Variants in CXADR observed in about 807,000 individuals in gnomAD.
The protein encoded by CXADR is CXADR cell adhesion molecule, also known as coxsackievirus and adenovirus receptor.
A neutral mutation model predicts 40.3 loss-of-function variants in CXADR; 20 were observed. The observed-to-expected ratio is 0.50, with a 90% CI of 0.35 to 0.72. The LOEUF is 0.72. CXADR is among the 30% of genes least tolerant of loss of function. CXADR has a pLI of 0.01. For missense variants in CXADR, 332 were observed against 449.1 expected, an observed-to-expected ratio of 0.74 and a Z score of 2.36; for synonymous variants, 150 against 161.3, an observed-to-expected ratio of 0.93 and a Z score of 0.53.
chr21:17,513,104 C>A lies in CXADR; in HGVS notation c.-26C>A. On this transcript the variant is annotated 5_prime_UTR_variant, in exon 1 of 7. Transcript: ENST00000284878. ...AGGAGCGAGAGCCGCCTACCTGCAG[C>A]CGCCGCCCACGGCACGGCAGCCACC... The A allele has an allele frequency of 7.4e-7, 1 of 1,345,584 alleles. No individual in the cohort carries two copies. Among genetic ancestry groups the A allele is most frequent in the Non-Finnish European group, 9.6e-7 (1 of 1,045,926 alleles). 83.4% of individuals were successfully genotyped at this position (1,345,584 alleles called of 1,614,324 possible).
At position 17,547,029 on chromosome 21, in the gene CXADR, T is replaced by G; in HGVS notation, c.46T>G (p.Phe16Val). 2 of 1,612,396 alleles carry G rather than the reference T, an allele frequency of 1.2e-6. No individual in the cohort carries two copies. The highest frequency in any genetic ancestry group is 1.7e-6 in the Non-Finnish European group (2 of 1,179,860). The change falls in exon 2 of 7, where the codon TTC becomes GTC. Residue 16 changes from phenylalanine (F) to valine (V), a missense_variant and splice_region_variant. Around this residue, in one of 3 missense-constraint regions of CXADR, gnomAD observed 162 missense variants for 198.5 expected, o/e 0.82. Transcript: ENST00000284878. ...CFVLLCGVVD[F>V]ARSLSITTPE... ...CCCTTGTACATTTCTTTCTCTAGAT[T>G]TCGCCAGAAGTTTGAGTATCACTAC...
intron 1 of CXADR, among the ~76,000 whole-genome samples, chr21:17,527,856 G>T (rs2060616823): frequency 6.6e-6 from 1 of 151,338 alleles, no homozygotes; most frequent in South Asian, 2.1e-4. Context: ...CTGTCGCCCA[G>T]GCTGGAATGC....
intron 7 of CXADR, among the ~76,000 whole-genome samples, chr21:17,581,065 A>G (rs1055273616): frequency 1.3e-5 from 2 of 152,196 alleles, no homozygotes; most frequent in Non-Finnish European, 2.9e-5. Context: ...ACTTGTTTTT[A>G]ATTTAACAAT....
At chr21:17,585,113 G>A (rs1165409058) in intron 7 of CXADR, among the ~76,000 whole-genome samples, 1 of 151,944 alleles carries the variant, frequency 6.6e-6, no homozygotes, top group Non-Finnish European at 1.5e-5. Context: ...TATTTTTTAT[G>A]TGTGAATTCA....
chr21:17,613,131 G>A, the CXADR span: 2 of 152,158 alleles, frequency 1.3e-5, no homozygotes, highest in African/African-American at 4.8e-5. Flanking sequence ...GCGACGGCGC[G>A]GTCCGCAGAA....
At chr21:17,533,210 T>C (rs1035151021) in intron 1 of CXADR, among the ~76,000 whole-genome samples, 2 of 152,192 alleles carry the variant, frequency 1.3e-5, no homozygotes, top group African/African-American at 2.4e-5. Context: ...TTTTGTGTAA[T>C]AAATTTGGCA....
the CXADR span, among the ~76,000 whole-genome samples, chr21:17,630,832 TC>T: frequency 9.4e-3 from 1,432 of 152,186 alleles, 12 homozygotes; most frequent in Middle Eastern, 0.02. Context: ...CAGCTTTAAG[TC>T]AAAGGTAATT....
intron 1 of CXADR, 74 bp downstream of exon 1, chr21:17,513,246 A>T: frequency 7.7e-7 from 1 of 1,301,580 alleles, no homozygotes; most frequent in Non-Finnish European, 9.9e-7. Flanking sequence ...ACCCAGGAAC[A>T]ATGGGGCGTG....
At chr21:17,603,597 T>C in the CXADR span, among the ~76,000 whole-genome samples, 1 of 152,156 alleles carries the variant, frequency 6.6e-6, no homozygotes, top group African/African-American at 2.4e-5. Flanking sequence ...AAAAGCAACT[T>C]TACTACAATC....
chr21:17,567,277 A>G lies in CXADR; in HGVS notation c.*1585A>G. The stretch of plus-strand genomic sequence containing the variant: ...TTTACAGTTAGAGTATTGTGTGTAC[A>G]CTTTTTAATGGTAAACTTAAGCTGA... On this transcript the variant is annotated 3_prime_UTR_variant, in exon 7 of 7. Transcript: ENST00000284878. The G allele has an allele frequency of 3.0e-6, 3 of 985,418 alleles. No homozygotes were observed. The highest frequency in any genetic ancestry group is 3.6e-6 in the Non-Finnish European group (3 of 829,914). The allele number at this position is 985,418 out of a possible 1,614,324, so 61.0% of individuals were successfully genotyped here.
At chr21:17,534,789 CTT>C (rs11427595) in intron 1 of CXADR, among the ~76,000 whole-genome samples, 9 of 131,910 alleles carry the variant, frequency 6.8e-5, no homozygotes, top group Admixed American at 1.6e-4. Flanking sequence ...TATTTTCTTC[CTT>C]TTTTTTTTTT....
chr21:17,551,668 G>GTGTA, intron 2 of CXADR, 81 bp from the exon 3 acceptor site: 1 of 1,209,592 alleles, frequency 8.3e-7, no homozygotes. Context: ...GTAGCAGCAG[G>GTGTA]TGTATCCAGG....
chr21:17,518,704 A>G, intron 1 of CXADR: 4 of 1,608,178 alleles, frequency 2.5e-6, no homozygotes, highest in Non-Finnish European at 3.4e-6. Context: ...TATTCCAGGT[A>G]TCATTTCTGT....
At chr21:17,533,945 A>G (rs2060710515) in intron 1 of CXADR, among the ~76,000 whole-genome samples, 1 of 148,966 alleles carries the variant, frequency 6.7e-6, no homozygotes, top group African/African-American at 2.5e-5. Context: ...TTAAAGAACT[A>G]AAACTCCTAG....
exon 8 of CXADR, chr21:17,593,213 C>G: frequency 7.0e-7 from 1 of 1,424,772 alleles, no homozygotes; most frequent in Non-Finnish European, 9.3e-7. Context: ...ACTGAAGAAT[C>G]TGAAGTATTG....
chr21:17,539,487 C>A (rs1357988346), intron 1 of CXADR, among the ~76,000 whole-genome samples: 1 of 152,118 alleles, frequency 6.6e-6, no homozygotes, highest in Non-Finnish European at 1.5e-5. Flanking sequence ...CTTTCACTTC[C>A]CTCTTCTCCT....
At chr21:17,550,790 CA>C (rs1282484022) in intron 2 of CXADR, among the ~76,000 whole-genome samples, 1 of 152,208 alleles carries the variant, frequency 6.6e-6, no homozygotes, top group East Asian at 1.9e-4. Context: ...TAATTGCCTT[CA>C]AAGGCTATGT....
intron 1 of CXADR, among the ~76,000 whole-genome samples, chr21:17,524,732 C>G (rs1476462903): frequency 4.0e-5 from 6 of 151,664 alleles, no homozygotes; most frequent in Non-Finnish European, 8.8e-5. Flanking sequence ...ACAAAAAATA[C>G]AAAAATTAGC....
chr21:17,605,020 TAATGGATTTA>T, the CXADR span: 1 of 1,609,440 alleles, frequency 6.2e-7, no homozygotes, highest in South Asian at 1.1e-5. Context: ...GGAGTTACGT[TAATGGATTTA>T]AATGAATTTA....
Sources: gnomAD v4.1 joint callset for allele counts (sites outside exome capture counted in the v4.1 genomes callset) on GRCh38, gnomAD v4.1.1 for gene constraint, gnomAD v4.1.1 regional missense constraint, MANE v1.5 for transcripts, NCBI Gene and HGNC (gene_info 2026-07-23, HGNC 2026-07-21) for gene names.